MPHOSPH6: variants seen among roughly 807,000 people sequenced by gnomAD.
MPHOSPH6 encodes M-phase phosphoprotein 6.
MPHOSPH6 carries 25 observed loss-of-function variants against 21.8 expected under a neutral mutation model. The ratio of observed to expected loss-of-function variants is 1.15; its 90% CI spans 0.83 to 1.60. The LOEUF is 1.60. Among genes scored for constraint, MPHOSPH6 ranks in the 40% most tolerant of loss-of-function variants. The probability of loss-of-function intolerance (pLI) is 0.00; values close to 1 mark genes in which losing one functional copy is unlikely to be tolerated. For synonymous variants in MPHOSPH6, 84 were observed against 56.5 expected, an observed-to-expected ratio of 1.49 and a Z score of -2.18; for missense variants, 269 against 181.8, an observed-to-expected ratio of 1.48 and a Z score of -2.76.
intron 2 of MPHOSPH6, 139 bp from the exon 3 acceptor site, chr16:82,151,653 G>C: frequency 8.0e-7 from 1 of 1,249,912 alleles, no homozygotes; most frequent in Non-Finnish European, 1.0e-6. Context: ...CTAACTTAGG[G>C]TTAAAAATAA....
At chr16:82,150,362 C>G (rs7191678) in intron 3 of MPHOSPH6, among the ~76,000 whole-genome samples, 4,308 of 152,216 alleles carry the variant, frequency 0.028, 201 homozygotes, top group African/African-American at 0.098. Context: ...CCCTCTCCTT[C>G]TCAATCTGAA....
intron 2 of MPHOSPH6, among the ~76,000 whole-genome samples, chr16:82,152,670 C>A (rs890669325): frequency 8.5e-5 from 13 of 152,146 alleles, no homozygotes; most frequent in Non-Finnish European, 1.8e-4. Context: ...TTGCTGCTGA[C>A]GGGGCTGAGC....
intron 2 of MPHOSPH6, among the ~76,000 whole-genome samples, chr16:82,153,943 T>C (rs1906348766): frequency 1.3e-5 from 2 of 152,082 alleles, no homozygotes; most frequent in Admixed American, 6.6e-5. Context: ...CTCCTCCTTA[T>C]AAGGAAAAGT....
chr16:82,166,793 T>G (rs1906796069), intron 1 of MPHOSPH6, among the ~76,000 whole-genome samples: 1 of 152,232 alleles, frequency 6.6e-6, no homozygotes, highest in African/African-American at 2.4e-5. Flanking sequence ...ACTGCCCAAC[T>G]GCCCTTTTTT....
chr16:82,149,215 A>T, intron 4 of MPHOSPH6, 94 bp downstream of exon 4: 1 of 1,317,060 alleles, frequency 7.6e-7, no homozygotes, highest in Non-Finnish European at 1.1e-6. Flanking sequence ...GACTCCCTTG[A>T]AAGCTGCCGT....
chr16:82,155,242 G>A (rs1322126225), intron 2 of MPHOSPH6, among the ~76,000 whole-genome samples: 2 of 152,196 alleles, frequency 1.3e-5, no homozygotes, highest in Non-Finnish European at 2.9e-5. Context: ...GTAATAGAGA[G>A]AAAGTAAATG....
In MPHOSPH6 at chr16:82,148,216, T is replaced by C. The variant is rs1906144957; in HGVS notation, c.*515A>G. 6.6e-6 allele frequency: 1 copy of C among 152,226 alleles called. No homozygotes were observed. The highest frequency in any genetic ancestry group is 2.4e-5 in the African/African-American group (1 of 41,464). 9.4% of individuals were successfully genotyped at this position (152,226 alleles called of 1,614,324 possible). On this transcript the variant is annotated 3_prime_UTR_variant, in exon 5 of 5. Coordinates refer to ENST00000258169, the MANE Select transcript of MPHOSPH6 (RefSeq NM_005792.2). ...AAATTTTTCTATCAATTCAATGCTT[T>C]AAATAAAACAACATAATACCATAAA... is the stretch of plus-strand genomic sequence containing the variant.
intron 2 of MPHOSPH6, among the ~76,000 whole-genome samples, chr16:82,159,812 G>C (rs551587207): frequency 2.0e-5 from 3 of 152,278 alleles, no homozygotes; most frequent in African/African-American, 7.2e-5. Context: ...AGTCTGGCTA[G>C]AAACTCACTT....
intron 1 of MPHOSPH6, among the ~76,000 whole-genome samples, chr16:82,165,115 TTTTTTATTTTTTTTTTTA>T (rs1259271879): frequency 1.3e-4 from 6 of 46,450 alleles, no homozygotes; most frequent in East Asian, 5.4e-4. Context: ...CCGATATTTC[TTTTTTATTTTTTTTTTTA>T]TTTTTTTTTT....
At chr16:82,164,850 C>G (rs1906715188) in intron 1 of MPHOSPH6, 1 of 152,164 alleles carries the variant, frequency 6.6e-6, no homozygotes, top group African/African-American at 2.4e-5. Flanking sequence ...TCTTGAGCTG[C>G]TCTTATCAAA....
intron 1 of MPHOSPH6, among the ~76,000 whole-genome samples, chr16:82,167,166 G>C (rs568849503): frequency 2.2e-4 from 33 of 152,286 alleles, no homozygotes; most frequent in South Asian, 4.1e-4. Flanking sequence ...CAGAAAGTTT[G>C]CCAAGCCCTG....
chr16:82,164,927 G>C (rs1386485642), intron 1 of MPHOSPH6: 1 of 152,084 alleles, frequency 6.6e-6, no homozygotes, highest in Non-Finnish European at 1.5e-5. Flanking sequence ...TCACTAGCAT[G>C]AATACCTGTA....
chr16:82,152,243 G>T (rs1165628820), intron 2 of MPHOSPH6, among the ~76,000 whole-genome samples: 1 of 152,142 alleles, frequency 6.6e-6, no homozygotes, highest in African/African-American at 2.4e-5. Flanking sequence ...TGGGGAACAG[G>T]TGGTTTTTTG....
rs370793136 is a variant in MPHOSPH6, at chr16:82,149,304, G to A, written c.350+5C>T. 14 of 1,612,702 alleles carry A rather than the reference G, an allele frequency of 8.7e-6. No individual in the cohort carries two copies. Among genetic ancestry groups the A allele is most frequent in the Non-Finnish European group, 1.2e-5 (14 of 1,179,752 alleles). On this transcript the variant is annotated splice_donor_5th_base_variant and intron_variant, in intron 4 of 4. Transcript: ENST00000258169. ...GATTAGAAGGCTGCTGCGCAGCACG[G>A]TTACCTTCTAGCCATCTCTTCATCT...
At chr16:82,151,316 A>G (rs1163153312) in intron 3 of MPHOSPH6, 108 bp downstream of exon 3, 3 of 1,441,302 alleles carry the variant, frequency 2.1e-6, no homozygotes, top group Non-Finnish European at 2.8e-6. Context: ...GTTATTTTCT[A>G]TATAATGAGT....
chr16:82,157,276 T>A (rs903098831), intron 2 of MPHOSPH6, among the ~76,000 whole-genome samples: 7 of 152,188 alleles, frequency 4.6e-5, no homozygotes, highest in Admixed American at 3.9e-4. Context: ...GAAGAATGAA[T>A]AGATATACCG....
intron 2 of MPHOSPH6, among the ~76,000 whole-genome samples, chr16:82,154,238 T>C (rs868486492): frequency 1.3e-5 from 2 of 152,224 alleles, no homozygotes; most frequent in Non-Finnish European, 1.5e-5. Flanking sequence ...CTAAACACTC[T>C]GTGATATTTA....
intron 2 of MPHOSPH6, among the ~76,000 whole-genome samples, chr16:82,157,742 G>C (rs971619671): frequency 1.3e-5 from 2 of 152,188 alleles, no homozygotes; most frequent in Admixed American, 1.3e-4. Context: ...TGACATCTGA[G>C]CAAGGACCAG....
intron 2 of MPHOSPH6, among the ~76,000 whole-genome samples, chr16:82,162,937 C>G (rs989443930): frequency 1.3e-5 from 2 of 149,226 alleles, no homozygotes; most frequent in East Asian, 4.0e-4. Context: ...GGCAAGTTTA[C>G]TTAAGGCATA....
Sources: gnomAD v4.1 joint callset for allele counts (sites outside exome capture counted in the v4.1 genomes callset) on GRCh38, gnomAD v4.1.1 for gene constraint, MANE v1.5 for transcripts, NCBI Gene and HGNC (gene_info 2026-07-23, HGNC 2026-07-21) for gene names.